The following SLC25A48 variants were observed in gnomAD, a reference collection of about 807,000 sequenced individuals.
The protein encoded by SLC25A48 is CTC-321K16.1.
A neutral mutation model predicts 32.2 loss-of-function variants in SLC25A48; 29 were observed. The ratio of observed to expected loss-of-function variants is 0.90; its 90% CI spans 0.67 to 1.23. The LOEUF is 1.23. Among genes scored for constraint, SLC25A48 ranks in the 50% most tolerant of loss-of-function variants. The pLI, the probability that SLC25A48 is intolerant of heterozygous loss-of-function variation, is 0.00. For missense variants in SLC25A48, 399 were observed against 422.7 expected, an observed-to-expected ratio of 0.94 and a Z score of 0.49; for synonymous variants, 164 against 172.3, an observed-to-expected ratio of 0.95 and a Z score of 0.38.
intron 4 of SLC25A48, among the ~76,000 whole-genome samples, chr5:135,817,411 CA>C (rs1472530571): frequency 1.3e-5 from 2 of 152,154 alleles, no homozygotes; most frequent in African/African-American, 4.8e-5. Flanking sequence ...TGATTTTTGA[CA>C]AATATGCCAG....
chr5:135,866,500 G>C (rs1453745739), intron 4 of SLC25A48, among the ~76,000 whole-genome samples: 1 of 152,182 alleles, frequency 6.6e-6, no homozygotes, highest in African/African-American at 2.4e-5. Flanking sequence ...TCTCCTGTCT[G>C]TGTCCAGCCC....
chr5:135,884,430 T>G (rs1405020053), intron 7 of SLC25A48, among the ~76,000 whole-genome samples: 1 of 152,216 alleles, frequency 6.6e-6, no homozygotes, highest in Non-Finnish European at 1.5e-5. Flanking sequence ...TGCAAGTTAC[T>G]GTTCAAGCTG....
intron 3 of SLC25A48, among the ~76,000 whole-genome samples, chr5:135,781,242 G>A (rs184619348): frequency 8.6e-6 from 1 of 116,264 alleles, no homozygotes; most frequent in Admixed American, 8.9e-5. Flanking sequence ...ATATCCAGGC[G>A]GGGGGAGTGG....
chr5:135,686,030 A>G (rs928531314), intron 3 of SLC25A48, among the ~76,000 whole-genome samples: 1 of 152,170 alleles, frequency 6.6e-6, no homozygotes, highest in African/African-American at 2.4e-5. Context: ...CTTGGTTCAT[A>G]TGAGGCCGGA....
At chr5:135,811,137 A>C (rs7445880) in intron 3 of SLC25A48, among the ~76,000 whole-genome samples, 1 of 151,684 alleles carries the variant, frequency 6.6e-6, no homozygotes, top group East Asian at 1.9e-4. Flanking sequence ...CCACCACTCC[A>C]GGACTTCCAA....
At chr5:135,762,072 T>TTTCTGTAGAAATGTGCTG (rs1449564276) in intron 3 of SLC25A48, among the ~76,000 whole-genome samples, 1 of 152,180 alleles carries the variant, frequency 6.6e-6, no homozygotes, top group African/African-American at 2.4e-5. Context: ...CCGACAGAAG[T>TTTCTGTAGAAATGTGCTG]TTCTGTAGAA....
chr5:135,685,132 G>GTCT (rs1753988562), intron 3 of SLC25A48, among the ~76,000 whole-genome samples: 1 of 152,046 alleles, frequency 6.6e-6, no homozygotes, highest in Non-Finnish European at 1.5e-5. Context: ...GGTAGTTTCA[G>GTCT]TTTGAATTTC....
chr5:135,748,933 G>C (rs1054330568), intron 3 of SLC25A48, among the ~76,000 whole-genome samples: 1 of 151,992 alleles, frequency 6.6e-6, no homozygotes, highest in South Asian at 2.1e-4. Context: ...TGGTTAGGCT[G>C]GTTTTGAACT....
chr5:135,780,337 C>T lies in SLC25A48; in HGVS notation c.-520-32186C>T, dbSNP rs1370935887. 2.1e-4 allele frequency among the ~76,000 whole-genome samples: 24 copies of T among 116,150 alleles called. 8 individuals carry two copies. Among genetic ancestry groups the T allele is most frequent in the Non-Finnish European group, 4.7e-4 (22 of 47,210 alleles). 76.2% of individuals were successfully genotyped at this position (116,150 alleles called of 152,430 possible). A position where few individuals can be genotyped will look rare whatever the true frequency, so the allele number is the denominator to read the frequency against. On this transcript the variant is annotated intron_variant, in intron 3 of 10. Transcript: ENST00000646290. ...TCCTAACCTCGTGATCCGCCCGCCT[C>T]GGCCTCCCAAAGTGCTGGGATTACA...
intron 3 of SLC25A48, among the ~76,000 whole-genome samples, chr5:135,779,312 G>T (rs975147396): frequency 1.3e-5 from 2 of 151,752 alleles, no homozygotes; most frequent in African/African-American, 2.4e-5. Flanking sequence ...CTGAGATATT[G>T]CTCCTAATAT....
intron 3 of SLC25A48, among the ~76,000 whole-genome samples, chr5:135,753,901 G>A (rs1223057212): frequency 2.0e-5 from 3 of 151,982 alleles, no homozygotes; most frequent in African/African-American, 7.3e-5. Context: ...ATATTCTTAT[G>A]CATGATATCT....
chr5:135,766,633 A>C lies in SLC25A48; in HGVS notation c.-520-45890A>C, dbSNP rs146970311. Reference sequence around the variant, plus strand: ...GGTACACCTCTCTGTGATATGGTTCATAATATCCATGGGGGAGAGGGTGAT... The same window carrying C: ...GGTACACCTCTCTGTGATATGGTTCCTAATATCCATGGGGGAGAGGGTGAT... On this transcript the variant is annotated intron_variant, in intron 3 of 10. Coordinates refer to the SLC25A48 transcript ENST00000646290. Among the ~76,000 whole-genome samples, 842 of 149,242 alleles carry C rather than the reference A, an allele frequency of 5.6e-3. 5 individuals are homozygous for C. The highest frequency in any genetic ancestry group is 0.019 in the African/African-American group (753 of 40,456).
chr5:135,605,291 G>C (rs1034815951), intron 1 of SLC25A48, among the ~76,000 whole-genome samples: 2 of 152,236 alleles, frequency 1.3e-5, no homozygotes, highest in African/African-American at 2.4e-5. Context: ...CCCATTATGA[G>C]ATTGGTTCTA....
At chr5:135,809,361 C>T (rs962610112) in intron 3 of SLC25A48, among the ~76,000 whole-genome samples, 2 of 152,144 alleles carry the variant, frequency 1.3e-5, no homozygotes, top group African/African-American at 4.8e-5. Flanking sequence ...AGAAAGCTCT[C>T]ATTTTAGATA....
intron 2 of SLC25A48, 39 bp from the exon 3 acceptor site, chr5:135,850,386 A>G (rs2304077): frequency 0.63 from 1,005,789 of 1,603,562 alleles, 317,035 homozygotes; most frequent in Middle Eastern, 0.71. Context: ...GGCTATGAAT[A>G]ACCTCTGCGC....
In SLC25A48 at chr5:135,845,167, A is replaced by G. The variant is rs530768894; in HGVS notation, c.90+2708A>G. On this transcript the variant is annotated intron_variant, in intron 2 of 7. Coordinates refer to ENST00000681962, the MANE Select transcript of SLC25A48 (RefSeq NM_001349336.2). ...GGGAGAACCTGCCACATGGTCCTCT[A>G]CCAGCTTCCAGTGCCTGCTGCAGTG... Among the ~76,000 whole-genome samples the G allele has an allele frequency of 2.0e-5, 3 of 152,330 alleles. No individual in the cohort carries two copies. In the South Asian group the frequency reaches 6.2e-4, roughly 32 times the overall value.
intron 4 of SLC25A48, among the ~76,000 whole-genome samples, chr5:135,870,763 C>T (rs1395158480): frequency 1.3e-5 from 2 of 152,100 alleles, no homozygotes; most frequent in South Asian, 2.1e-4. Flanking sequence ...GAACACTGTA[C>T]ATGTATTACC....
intron 1 of SLC25A48, among the ~76,000 whole-genome samples, chr5:135,610,642 G>C (rs909858815): frequency 5.3e-5 from 8 of 152,160 alleles, no homozygotes; most frequent in Non-Finnish European, 1.0e-4. Flanking sequence ...CAATTTTACT[G>C]TCTGGTTTAC....
intron 3 of SLC25A48, among the ~76,000 whole-genome samples, chr5:135,725,881 C>CAAA (rs5871579): frequency 3.2e-4 from 48 of 149,626 alleles, no homozygotes; most frequent in African/African-American, 1.2e-3. Flanking sequence ...CTAGGGTTTT[C>CAAA]AAAAAAAAAA....
Sources: allele counts gnomAD v4.1 joint callset (sites outside exome capture counted in the v4.1 genomes callset), GRCh38; gene constraint gnomAD v4.1.1; transcripts MANE v1.5; gene names NCBI Gene and HGNC (gene_info 2026-07-23, HGNC 2026-07-21).